Variants in TAB3 observed in about 807,000 individuals in gnomAD.
The protein encoded by TAB3 is TGF-beta-activated kinase 1 and MAP3K7-binding protein 3.
In TAB3, 18 loss-of-function variants were observed where a neutral mutation model predicts 48.1. The ratio of observed to expected loss-of-function variants is 0.37; its 90% CI spans 0.26 to 0.55. The LOEUF is 0.55. Ranked by LOEUF, TAB3 falls within the 20% of genes least tolerant of loss-of-function variation. TAB3 has a pLI of 0.78. For synonymous variants in TAB3, 185 were observed against 190.2 expected (o/e 0.97, Z 0.22); for missense variants, 414 against 549.8 (o/e 0.75, Z 2.47).
chrX:30,855,258 T>C lies in TAB3; in HGVS notation c.407A>G (p.Asn136Ser). 1.7e-6 allele frequency: 2 copies of C among 1,211,550 alleles called. No homozygotes were observed. Among genetic ancestry groups the C allele is most frequent in the Non-Finnish European group, 2.2e-6 (2 of 895,496 alleles). Residue 136 changes from asparagine to serine, a missense_variant, in exon 6 of 11, where the codon AAC (asparagine) becomes AGC (serine). Asn to Ser is a conservative substitution (Grantham distance 46). Coordinates refer to ENST00000288422, the MANE Select transcript of TAB3 (RefSeq NM_152787.5). ...TTCGTTCATAAAAAATGGATTGTAG[T>C]TGGGAGTAGCAGCAACAACAGCTGG... ...SAPAVVAATP[N>S]YNPFFMNEQN...
At chrX:30,870,404 C>T (rs1036287567) in intron 2 of TAB3, among the ~76,000 whole-genome samples, 5 of 111,938 alleles carry the variant, frequency 4.5e-5, no homozygotes, top group African/African-American at 1.6e-4. Context: ...TAACCCATTG[C>T]CCACTCATTT....
chrX:30,864,200 A>G (rs769301551), intron 4 of TAB3, among the ~76,000 whole-genome samples: 21 of 111,596 alleles, frequency 1.9e-4, no homozygotes, highest in Non-Finnish European at 3.4e-4. Context: ...TGGATTGTGG[A>G]GCTGTGTAGG....
intron 1 of TAB3, among the ~76,000 whole-genome samples, 169 bp from the exon 2 acceptor site, chrX:30,871,970 A>C (rs1324127483): frequency 8.9e-6 from 1 of 112,238 alleles, no homozygotes; most frequent in Non-Finnish European, 1.9e-5. Flanking sequence ...TACTAAGAGA[A>C]AGTTTTCCTG....
chrX:30,853,477 A>C (rs763414821), intron 6 of TAB3, among the ~76,000 whole-genome samples: 1 of 111,991 alleles, frequency 8.9e-6, no homozygotes, highest in Admixed American at 9.4e-5. Context: ...AAAAGATTCA[A>C]ATTCTTTCGT....
chrX:30,836,083 T>C (rs1053968735), intron 9 of TAB3: 3 of 112,230 alleles, frequency 2.7e-5, no homozygotes, highest in Admixed American at 9.5e-5. Flanking sequence ...AACTTGATTT[T>C]ATGGAGAAAA....
At chrX:30,865,491 T>C (rs1311873182) in intron 4 of TAB3, among the ~76,000 whole-genome samples, 1 of 112,588 alleles carries the variant, frequency 8.9e-6, no homozygotes, top group Non-Finnish European at 1.9e-5. Flanking sequence ...TTTGGAGGTT[T>C]TGATTTTAGA....
Position 30,873,048 on chromosome X carries a change from T to C in TAB3, c.-382-1247A>G, listed in dbSNP as rs1234041633. Among the ~76,000 whole-genome samples, 3 of 112,131 alleles carry C rather than the reference T, an allele frequency of 2.7e-5. No homozygotes were observed. In the East Asian group the frequency reaches 8.4e-4, roughly 31 times the overall value. ...AAAAGCAGAGAGGATTGTTATACATTATAAGAGAATTAAGAGACTTAAGGG... is the reference window on the plus strand; with the variant it reads ...AAAAGCAGAGAGGATTGTTATACATCATAAGAGAATTAAGAGACTTAAGGG... On this transcript the variant is annotated intron_variant, in intron 1 of 10. Coordinates refer to ENST00000288422, the MANE Select transcript of TAB3 (RefSeq NM_152787.5).
At chrX:30,832,721 G>C (rs1938061847) in intron 10 of TAB3, among the ~76,000 whole-genome samples, 1 of 111,612 alleles carries the variant, frequency 9.0e-6, no homozygotes, top group African/African-American at 3.3e-5. Context: ...CAAACAGGAA[G>C]GTGATCTTAG....
At chrX:30,873,303 C>A (rs1002160506) in intron 1 of TAB3, among the ~76,000 whole-genome samples, 14 of 109,067 alleles carry the variant, frequency 1.3e-4, no homozygotes, top group Non-Finnish European at 2.1e-4. Flanking sequence ...TTTGGGAGGC[C>A]GAGGCGGGCG....
chrX:30,864,144 G>A (rs1453254074), intron 4 of TAB3, among the ~76,000 whole-genome samples: 1 of 111,244 alleles, frequency 9.0e-6, no homozygotes. Flanking sequence ...CAAACTCCTG[G>A]GACACCCTTG....
intron 2 of TAB3, among the ~76,000 whole-genome samples, chrX:30,869,903 A>G (rs1939616806): frequency 8.9e-6 from 1 of 112,753 alleles, no homozygotes. Flanking sequence ...ACACACAGTA[A>G]TGGCAAATAC....
intron 1 of TAB3, among the ~76,000 whole-genome samples, chrX:30,876,798 A>G (rs1939853586): frequency 8.9e-6 from 1 of 111,949 alleles, no homozygotes; most frequent in Admixed American, 9.5e-5. Flanking sequence ...TAAGAATTCA[A>G]TAAACAGGTC....
intron 1 of TAB3, among the ~76,000 whole-genome samples, chrX:30,878,455 G>A (rs1161787903): frequency 6.1e-5 from 6 of 97,719 alleles, no homozygotes; most frequent in African/African-American, 2.4e-4. Context: ...AGCTGAGATC[G>A]CACCACTGCA....
chrX:30,844,594 A>G (rs1306343375), intron 8 of TAB3: 1 of 112,514 alleles, frequency 8.9e-6, no homozygotes, highest in Non-Finnish European at 1.9e-5. Context: ...AAGTAAAAGA[A>G]ATTGATGCAA....
intron 4 of TAB3, 148 bp from the exon 5 acceptor site, chrX:30,859,826 C>T: frequency 2.6e-6 from 1 of 382,735 alleles, no homozygotes; most frequent in Admixed American, 4.8e-5. Flanking sequence ...CTTGCCTCTC[C>T]CCTCCACAAT....
chrX:30,839,086 G>C (rs1005027947), intron 9 of TAB3, among the ~76,000 whole-genome samples: 54 of 111,213 alleles, frequency 4.9e-4, no homozygotes, highest in Admixed American at 5.7e-4. Flanking sequence ...CCCAATGTTG[G>C]TAAGTTCAGA....
rs1362029656 is a variant in TAB3 at position 30,830,198 on chromosome X, T to C, written c.*1229A>G. ...CTCAATTGACCTCTAGATACAGTTA[T>C]GTTAAATTTTAAAAGTTGTTTCAAA... On this transcript the variant is annotated 3_prime_UTR_variant, in exon 11 of 11. Transcript: ENST00000288422. 1 of 112,089 alleles carries C rather than the reference T, an allele frequency of 8.9e-6. No individual in the cohort carries two copies. The highest frequency in any genetic ancestry group is 3.2e-5 in the African/African-American group (1 of 30,784). 9.2% of individuals were successfully genotyped at this position (112,089 alleles called of 1,213,427 possible). A position where few individuals can be genotyped will look rare whatever the true frequency, so the allele number is the denominator to read the frequency against.
chrX:30,836,486 A>G (rs1485241131), intron 9 of TAB3: 1 of 111,967 alleles, frequency 8.9e-6, no homozygotes, highest in Non-Finnish European at 1.9e-5. Context: ...AAATCCCATT[A>G]TAACTAACTC....
intron 1 of TAB3, among the ~76,000 whole-genome samples, chrX:30,876,450 G>T (rs1350925240): frequency 8.9e-6 from 1 of 112,287 alleles, no homozygotes; most frequent in East Asian, 2.8e-4. Flanking sequence ...TCAAGGAGAT[G>T]AAAGCCAAAC....
Sources: allele counts gnomAD v4.1 joint callset (sites outside exome capture counted in the v4.1 genomes callset), GRCh38; gene constraint gnomAD v4.1.1; transcripts MANE v1.5; gene names NCBI Gene and HGNC (gene_info 2026-07-23, HGNC 2026-07-21).